Variants in FKBP10 observed in about 807,000 individuals in gnomAD.
FKBP10 encodes peptidyl-prolyl cis-trans isomerase FKBP10.
In FKBP10, 34 loss-of-function variants were observed where a neutral mutation model predicts 53.7. That is an observed-to-expected ratio of 0.63 (90% confidence interval 0.48 to 0.84). The LOEUF (loss-of-function observed/expected upper bound fraction) is 0.84. Among genes scored for constraint, FKBP10 ranks in the 40% least tolerant of loss-of-function variants. The pLI is 0.00. For missense variants in FKBP10, 748 were observed against 797.8 expected, an observed-to-expected ratio of 0.94 and a Z score of 0.75; for synonymous variants, 324 against 335.7, an observed-to-expected ratio of 0.97 and a Z score of 0.38.
intron 7 of FKBP10, 46 bp downstream of exon 7, chr17:41,820,507 G>A (rs782746695): frequency 6.3e-6 from 10 of 1,598,748 alleles, no homozygotes; most frequent in Non-Finnish European, 8.5e-6. Flanking sequence ...GTGGGCACAG[G>A]CATGGGGAGT....
intron 1 of FKBP10, among the ~76,000 whole-genome samples, chr17:41,813,806 T>C (rs2047781239): frequency 1.3e-5 from 2 of 152,258 alleles, no homozygotes; most frequent in Non-Finnish European, 2.9e-5. Flanking sequence ...GTGGGTATTA[T>C]AAGAAGACAG....
At chr17:41,813,310 C>T (rs782260885) in intron 1 of FKBP10, 31 bp downstream of exon 1, 1 of 1,612,906 alleles carries the variant, frequency 6.2e-7, no homozygotes, top group Non-Finnish European at 8.5e-7. Context: ...CCGGATTCAC[C>T]ACTCCGTCCC....
chr17:41,815,351 G>A (rs916249320), intron 1 of FKBP10, among the ~76,000 whole-genome samples: 4 of 151,734 alleles, frequency 2.6e-5, no homozygotes, highest in African/African-American at 7.3e-5. Flanking sequence ...TAGAGATGGC[G>A]TTTCACCATG....
chr17:41,815,524 A>C (rs577121591), intron 1 of FKBP10, among the ~76,000 whole-genome samples: 2 of 149,872 alleles, frequency 1.3e-5, no homozygotes, highest in African/African-American at 4.9e-5. Context: ...GGAGTGCAGT[A>C]GCGCGATCTC....
At chr17:41,819,707 C>A in intron 6 of FKBP10, 32 bp downstream of exon 6, 1 of 1,580,778 alleles carries the variant, frequency 6.3e-7, no homozygotes, top group Non-Finnish European at 8.6e-7. Context: ...CACCTCAGCT[C>A]CTCCTCCGAA....
At chr17:41,820,046 G>A in intron 6 of FKBP10, 1 of 1,419,694 alleles carries the variant, frequency 7.0e-7, no homozygotes, top group Non-Finnish European at 9.5e-7. Context: ...GAGTTTGCAA[G>A]ACGGTGAGTG....
chr17:41,819,379 C>T lies in FKBP10; in HGVS notation c.897C>T (p.Asp299=), dbSNP rs560280765. ...ACCACTACAATGGCTCCTTGATGGACGGCACCCTCTTCGATTCCAGGTCAG... is the reference window on the plus strand; with the variant it reads ...ACCACTACAATGGCTCCTTGATGGATGGCACCCTCTTCGATTCCAGGTCAG... ...MRYHYNGSLM[D]GTLFDSSYSR... is the part of the protein sequence containing the mutation. The change falls in exon 5 of 10, where the codon GAC becomes GAT. Residue 299 remains aspartate, a synonymous_variant. Transcript: ENST00000321562. 7.8e-6 allele frequency: 12 copies of T among 1,546,164 alleles called. No homozygotes were observed. The highest frequency in any genetic ancestry group is 3.3e-5 in the South Asian group (3 of 90,000).
intron 7 of FKBP10, 72 bp from the exon 8 acceptor site, chr17:41,820,875 C>T: frequency 2.5e-6 from 4 of 1,569,318 alleles, no homozygotes; most frequent in Non-Finnish European, 3.5e-6. Flanking sequence ...TCTGGGCCCA[C>T]CTCAGAGGGA....
chr17:41,822,857 A>C lies in FKBP10; in HGVS notation c.*449A>C. ...TAGGACCCCTCTGCCTTCCTCCCCA[A>C]TCCTGACTGGCTCCTAGGGAAGGGG... On this transcript the variant is annotated 3_prime_UTR_variant, in exon 10 of 10. Coordinates refer to ENST00000321562, the MANE Select transcript of FKBP10 (RefSeq NM_021939.4). The C allele has an allele frequency of 7.3e-6, 2 of 273,454 alleles. No homozygotes were observed. The highest frequency in any genetic ancestry group is 7.1e-6 in the Non-Finnish European group (1 of 140,492). The allele number at this position is 273,454 out of a possible 1,614,324, so 16.9% of individuals were successfully genotyped here. A position where few individuals can be genotyped will look rare whatever the true frequency, so the allele number is the denominator to read the frequency against.
At chr17:41,814,034 G>A (rs1348296440) in intron 1 of FKBP10, among the ~76,000 whole-genome samples, 1 of 152,180 alleles carries the variant, frequency 6.6e-6, no homozygotes, top group African/African-American at 2.4e-5. Flanking sequence ...CTCCTGGTCT[G>A]ACCCAGGCCT....
chr17:41,820,185 C>T (rs959299091), intron 6 of FKBP10, 84 bp from the exon 7 acceptor site: 2 of 1,456,118 alleles, frequency 1.4e-6, no homozygotes, highest in Admixed American at 3.4e-5. Context: ...GAAGGGGTAT[C>T]AGGTCTGGGG....
At position 41,818,368 on chromosome 17, in the gene FKBP10, C is replaced by T. The variant is rs781854645; in HGVS notation, c.582-14C>T. 1.2e-5 allele frequency: 20 copies of T among 1,614,118 alleles called. No individual in the cohort carries two copies. Among genetic ancestry groups the T allele is most frequent in the Middle Eastern group, 3.3e-4 (2 of 6,084 alleles). ...CCCAGCCTGCCTCTCCCACCTCCAC[C>T]TCATTTTCTGCAGCTACAGTAAGGG... On this transcript the variant is annotated splice_polypyrimidine_tract_variant and intron_variant, in intron 3 of 9. Coordinates refer to ENST00000321562, the MANE Select transcript of FKBP10 (RefSeq NM_021939.4).
Position 41,821,644 on chromosome 17 carries a change from C to G in FKBP10, c.1400-10C>G, listed in dbSNP as rs782378575. The G allele has an allele frequency of 2.5e-6, 4 of 1,613,476 alleles. No individual in the cohort carries two copies. The highest frequency in any genetic ancestry group is 1.3e-5 in the African/African-American group (1 of 74,900). On this transcript the variant is annotated splice_polypyrimidine_tract_variant and intron_variant, in intron 8 of 9. Coordinates refer to ENST00000321562, the MANE Select transcript of FKBP10 (RefSeq NM_021939.4). Reference sequence around the variant, plus strand: ...TAGGACCCCTCCCTTCTCTCCTGCCCTCCCTCCAGCCCGGGGAGTCCCAGG... The same window carrying G: ...TAGGACCCCTCCCTTCTCTCCTGCCGTCCCTCCAGCCCGGGGAGTCCCAGG...
chr17:41,819,771 C>A (rs982143613), intron 6 of FKBP10, 96 bp downstream of exon 6: 2 of 1,545,584 alleles, frequency 1.3e-6, no homozygotes, highest in South Asian at 1.2e-5. Context: ...AGGCACCGCT[C>A]GGCCCCTCTC....
At chr17:41,820,226 C>A in intron 6 of FKBP10, 43 bp from the exon 7 acceptor site, 1 of 1,605,510 alleles carries the variant, frequency 6.2e-7, no homozygotes. Context: ...AGTAGCCTCT[C>A]CTAGTGCTCT....
intron 7 of FKBP10, 152 bp from the exon 8 acceptor site, chr17:41,820,795 A>G: frequency 9.0e-7 from 1 of 1,111,836 alleles, no homozygotes; most frequent in Non-Finnish European, 1.3e-6. Context: ...ACGTCTGCAC[A>G]GCTGGGCCCC....
rs1555616343 is a variant in FKBP10 at position 41,818,107 on chromosome 17, A to G, written c.410A>G (p.Asp137Gly). 6.2e-7 allele frequency: 1 copy of G among 1,612,154 alleles called. No homozygotes were observed. Among genetic ancestry groups the G allele is most frequent in the Non-Finnish European group, 8.5e-7 (1 of 1,179,314 alleles). Residue 137 changes from aspartate (D) to glycine (G), a missense_variant, in exon 3 of 10, where the codon GAT becomes GGT. By Grantham distance (94) the Asp-to-Gly change is moderately conservative (BLOSUM62 -1). Coordinates refer to ENST00000321562, the MANE Select transcript of FKBP10 (RefSeq NM_021939.4). The part of the protein sequence containing the change: ...SIGLAGLIPP[D>G]ATLYFDVVLL... ...CTCACAGCGGGGCTCATTCCACCGGATGCCACCCTCTACTTCGATGTGGTT... is the reference window on the plus strand; with the variant it reads ...CTCACAGCGGGGCTCATTCCACCGGGTGCCACCCTCTACTTCGATGTGGTT...
In FKBP10 at chr17:41,820,280, C is replaced by G; in HGVS notation, c.1075C>G (p.Pro359Ala). 6.2e-7 allele frequency: 1 copy of G among 1,614,162 alleles called. No homozygotes were observed. Among genetic ancestry groups the G allele is most frequent in the Non-Finnish European group, 8.5e-7 (1 of 1,180,026 alleles). Residue 359 changes from proline to alanine, a missense_variant, in exon 7 of 10, where the codon CCT (proline) becomes GCT (alanine). Pro to Ala is a conservative substitution (Grantham distance 27, BLOSUM62 -1). Coordinates refer to ENST00000321562, the MANE Select transcript of FKBP10 (RefSeq NM_021939.4). ...CATTCTGGCCTCAGGAGACAAGATCCCTGGCTCTGCCGTGCTAATCTTCAA... is the reference window on the plus strand; with the variant it reads ...CATTCTGGCCTCAGGAGACAAGATCGCTGGCTCTGCCGTGCTAATCTTCAA... ...YGENGTGDKI[P>A]GSAVLIFNVH...
intron 4 of FKBP10, 46 bp from the exon 5 acceptor site, chr17:41,819,164 C>G: frequency 1.2e-6 from 2 of 1,603,168 alleles, no homozygotes; most frequent in Non-Finnish European, 1.7e-6. Context: ...GAAGGAGCCT[C>G]GGCTTGCTCC....
Sources: allele counts gnomAD v4.1 joint callset (sites outside exome capture counted in the v4.1 genomes callset), GRCh38; gene constraint gnomAD v4.1.1; transcripts MANE v1.5; gene names NCBI Gene and HGNC (gene_info 2026-07-23, HGNC 2026-07-21).